RFESD: variants seen among roughly 807,000 people sequenced by gnomAD.
The protein encoded by RFESD is Rieske Fe-S domain containing, also known as Rieske domain-containing protein.
Under a neutral mutation model 24.4 loss-of-function variants are expected in RFESD, and 16 were observed. The ratio of observed to expected loss-of-function variants is 0.66; its 90% CI spans 0.44 to 1.00. RFESD has a LOEUF of 1.00. Among genes scored for constraint, RFESD ranks in the 50% least tolerant of loss-of-function variants. The probability of loss-of-function intolerance (pLI) is 0.00; values close to 1 mark genes in which losing one functional copy is unlikely to be tolerated. For synonymous variants in RFESD, 59 were observed against 81.8 expected (o/e 0.72, Z 1.50); for missense variants, 208 against 247.0 (o/e 0.84, Z 1.06).
At chr5:95,653,307 C>T in intron 3 of RFESD, 93 bp downstream of exon 3, 2 of 1,508,676 alleles carry the variant, frequency 1.3e-6, no homozygotes, top group Non-Finnish European at 1.8e-6. Flanking sequence ...GTACTCCAGG[C>T]AAAACCAAGT....
rs189101221 is a variant in RFESD at position 95,648,931 on chromosome 5, A to G, written c.-136+2114A>G. On this transcript the variant is annotated intron_variant, in intron 1 of 5. Transcript: ENST00000380005. The stretch of plus-strand genomic sequence containing the variant: ...TTTTTTTTTGGCCTGGAGGAAAACA[A>G]CTATTCATTTATTTCCTCCTTTGGT... Among the ~76,000 whole-genome samples the G allele has an allele frequency of 1.5e-3, 221 of 144,618 alleles. 2 individuals carry two copies. The highest frequency in any genetic ancestry group is 0.014 in the Admixed American group (196 of 14,334). The allele number at this position is 144,618 out of a possible 152,430, so 94.9% of individuals were successfully genotyped here.
intron 5 of RFESD, 92 bp from the exon 6 acceptor site, chr5:95,655,954 T>A: frequency 8.0e-7 from 1 of 1,252,006 alleles, no homozygotes. Context: ...CTAACCTGTT[T>A]TTTTAACCTG....
chr5:95,649,499 T>C (rs1408318148), intron 1 of RFESD, among the ~76,000 whole-genome samples: 4 of 152,232 alleles, frequency 2.6e-5, no homozygotes, highest in African/African-American at 4.8e-5. Context: ...TTCTGTGGCA[T>C]ATACCCAAAG....
At chr5:95,652,428 C>A (rs1192794584) in intron 2 of RFESD, 97 bp downstream of exon 2, 19 of 1,460,656 alleles carry the variant, frequency 1.3e-5, no homozygotes, top group Admixed American at 2.1e-5. Context: ...GACTTGACAT[C>A]TCTACTTGGA....
intron 5 of RFESD, among the ~76,000 whole-genome samples, chr5:95,654,734 T>C (rs1750624358): frequency 6.6e-6 from 1 of 152,152 alleles, no homozygotes; most frequent in African/African-American, 2.4e-5. Context: ...ATAAGGCAGA[T>C]CTATATGGGT....
Position 95,654,110 on chromosome 5 carries a change from T to C in RFESD, c.208T>C (p.Ser70Pro). 1 of 1,612,042 alleles carries C rather than the reference T, an allele frequency of 6.2e-7. No individual in the cohort carries two copies. Among genetic ancestry groups the C allele is most frequent in the East Asian group, 2.2e-5 (1 of 44,830 alleles). ...AGATCCTGAAAAGAGGGAATATTCT[T>C]CTGTGTGTGTGGGCAGAGAAGATGA... ...AQDPEKREYS[S>P]VCVGREDDIK... Residue 70 changes from serine to proline, a missense_variant, in exon 4 of 6, where the codon TCT becomes CCT. Coordinates refer to ENST00000380005, the MANE Select transcript of RFESD (RefSeq NM_001131066.2).
chr5:95,652,213 T>C lies in RFESD; in HGVS notation c.-59T>C. The C allele has an allele frequency of 6.6e-7, 1 of 1,509,502 alleles. No individual in the cohort carries two copies. The highest frequency in any genetic ancestry group is 8.9e-7 in the Non-Finnish European group (1 of 1,119,988). The allele number at this position is 1,509,502 out of a possible 1,614,324, so 93.5% of individuals were successfully genotyped here. A position where few individuals can be genotyped will look rare whatever the true frequency, so the allele number is the denominator to read the frequency against. On this transcript the variant is annotated 5_prime_UTR_variant, in exon 2 of 6. Transcript: ENST00000380005. ...TGAATGAATTTCATTTGATTAGCAA[T>C]AGATTGGACACTCTACTGATCTTGC... is the stretch of plus-strand genomic sequence containing the variant.
At chr5:95,649,723 A>G (rs1300886457) in intron 1 of RFESD, among the ~76,000 whole-genome samples, 1 of 152,126 alleles carries the variant, frequency 6.6e-6, no homozygotes, top group Non-Finnish European at 1.5e-5. Context: ...TATACTGGCC[A>G]TTCAGATTTC....
intron 3 of RFESD, among the ~76,000 whole-genome samples, 154 bp from the exon 4 acceptor site, chr5:95,653,907 A>G (rs1385089954): frequency 1.3e-5 from 2 of 152,176 alleles, no homozygotes; most frequent in African/African-American, 2.4e-5. Context: ...CAAAATAATA[A>G]TAATCTAGTA....
intron 2 of RFESD, 46 bp downstream of exon 2, chr5:95,652,377 C>G: frequency 1.3e-6 from 2 of 1,541,776 alleles, no homozygotes; most frequent in Non-Finnish European, 1.8e-6. Flanking sequence ...CAGTTTTTCT[C>G]TCTAGAAATT....
intron 2 of RFESD, chr5:95,652,904 C>CG: frequency 1.7e-6 from 1 of 593,774 alleles, no homozygotes; most frequent in African/African-American, 1.9e-5. Flanking sequence ...TCCACAGAGC[C>CG]GGGAGCATTC....
chr5:95,652,766 A>AC (rs1750431326), intron 2 of RFESD: 1 of 274,930 alleles, frequency 3.6e-6, no homozygotes, highest in Non-Finnish European at 6.8e-6. Flanking sequence ...TGTAGCTACT[A>AC]CTGCTACTGT....
intron 1 of RFESD, among the ~76,000 whole-genome samples, chr5:95,650,088 C>T (rs932298144): frequency 8.5e-5 from 13 of 152,202 alleles, no homozygotes; most frequent in Non-Finnish European, 1.5e-4. Context: ...AGTATTCTTG[C>T]CTCCTATCAG....
At chr5:95,651,300 A>C (rs1159570000) in intron 1 of RFESD, among the ~76,000 whole-genome samples, 1 of 152,166 alleles carries the variant, frequency 6.6e-6, no homozygotes, top group African/African-American at 2.4e-5. Flanking sequence ...TAAAGTTAGA[A>C]TATTTATTTG....
intron 5 of RFESD, among the ~76,000 whole-genome samples, chr5:95,654,907 A>G (rs1750643143): frequency 6.6e-6 from 1 of 152,068 alleles, no homozygotes; most frequent in African/African-American, 2.4e-5. Flanking sequence ...TTTTTATAAT[A>G]TAACAAAAAT....
intron 1 of RFESD, chr5:95,648,180 G>A (rs1398889504): frequency 6.6e-6 from 1 of 152,010 alleles, no homozygotes; most frequent in East Asian, 1.9e-4. Flanking sequence ...TCCTTTGTTG[G>A]AAAGGAATCT....
rs2112516984 is a variant in RFESD, at chr5:95,654,459, T to C, written c.369+92T>C. 3 of 849,384 alleles carry C rather than the reference T, an allele frequency of 3.5e-6. No homozygotes were observed. The East Asian group carries it at 8.0e-5, about 23-fold the overall frequency. 52.6% of individuals were successfully genotyped at this position (849,384 alleles called of 1,614,324 possible). On this transcript the variant is annotated intron_variant, in intron 5 of 5. Coordinates refer to ENST00000380005, the MANE Select transcript of RFESD (RefSeq NM_001131066.2). ...TGGTTTGAACTATATTTTAATGCTTTGAATATAATTCCAAGTATTCTGGGA... is the reference window on the plus strand; with the variant it reads ...TGGTTTGAACTATATTTTAATGCTTCGAATATAATTCCAAGTATTCTGGGA...
At chr5:95,648,110 C>T (rs1689037510) in intron 1 of RFESD, 1 of 152,100 alleles carries the variant, frequency 6.6e-6, no homozygotes, top group Non-Finnish European at 1.5e-5. Context: ...TTTTATCTCC[C>T]GTGTCTTGTG....
intron 5 of RFESD, 21 bp from the exon 6 acceptor site, chr5:95,656,025 A>G (rs1266485325): frequency 6.2e-6 from 10 of 1,605,886 alleles, no homozygotes; most frequent in Non-Finnish European, 7.7e-6. Flanking sequence ...AGAATATTAA[A>G]TGAGTTATTC....
Sources: gnomAD v4.1 joint callset for allele counts (sites outside exome capture counted in the v4.1 genomes callset) on GRCh38, gnomAD v4.1.1 for gene constraint, MANE v1.5 for transcripts, NCBI Gene and HGNC (gene_info 2026-07-23, HGNC 2026-07-21) for gene names.